The following CCDC60 variants were observed in gnomAD, a reference collection of about 807,000 sequenced individuals.
CCDC60 encodes coiled-coil domain-containing protein 60.
CCDC60 carries 54 observed loss-of-function variants against 63.5 expected under a neutral mutation model. The observed-to-expected ratio is 0.85, with a 90% CI of 0.68 to 1.07. The LOEUF (loss-of-function observed/expected upper bound fraction) is 1.07, where lower values mean the gene tolerates loss of function less well. Ranked by LOEUF, CCDC60 falls within the 50% of genes least tolerant of loss-of-function variation. The probability of loss-of-function intolerance (pLI) is 0.00; values close to 1 mark genes in which losing one functional copy is unlikely to be tolerated. For missense variants in CCDC60, 651 were observed against 684.3 expected (o/e 0.95, Z 0.54); for synonymous variants, 206 against 238.8 (o/e 0.86, Z 1.27).
chr12:119,360,366 C>T (rs868585832), intron 1 of CCDC60, among the ~76,000 whole-genome samples: 2,584 of 86,760 alleles, frequency 0.03, 62 homozygotes, highest in African/African-American at 0.11. Flanking sequence ...CCCTCCCGGA[C>T]GGGGCGGCTG....
At chr12:119,446,230 G>T (rs868187516) in intron 2 of CCDC60, among the ~76,000 whole-genome samples, 1 of 152,108 alleles carries the variant, frequency 6.6e-6, no homozygotes, top group Non-Finnish European at 1.5e-5. Context: ...GTTAAAACAG[G>T]AATCTGAATC....
intron 11 of CCDC60, among the ~76,000 whole-genome samples, chr12:119,525,059 T>G (rs1952648608): frequency 6.6e-6 from 1 of 152,196 alleles, no homozygotes; most frequent in South Asian, 2.1e-4. Context: ...TATTTATGTA[T>G]CATTTAATGC....
intron 13 of CCDC60, among the ~76,000 whole-genome samples, chr12:119,533,559 G>A (rs375783590): frequency 4.6e-5 from 7 of 152,184 alleles, no homozygotes; most frequent in East Asian, 3.9e-4. Flanking sequence ...TAGGTCTAAC[G>A]TTTAAGTCTT....
At chr12:119,482,347 A>G (rs1951347550) in intron 4 of CCDC60, among the ~76,000 whole-genome samples, 1 of 151,938 alleles carries the variant, frequency 6.6e-6, no homozygotes, top group African/African-American at 2.4e-5. Context: ...TATTATTATT[A>G]TTATCACAGT....
chr12:119,443,942 A>G (rs978882055), intron 2 of CCDC60, among the ~76,000 whole-genome samples: 3 of 152,210 alleles, frequency 2.0e-5, no homozygotes, highest in African/African-American at 7.2e-5. Flanking sequence ...CACACAGATG[A>G]CATAAGTGTT....
At position 119,472,174 on chromosome 12, in the gene CCDC60, T is replaced by C; in HGVS notation, c.341+10T>C. The C allele has an allele frequency of 1.2e-6, 2 of 1,612,930 alleles. No individual in the cohort carries two copies. Among genetic ancestry groups the C allele is most frequent in the Non-Finnish European group, 1.7e-6 (2 of 1,179,404 alleles). On this transcript the variant is annotated intron_variant, in intron 3 of 13. Transcript: ENST00000327554. Reference sequence around the variant, plus strand: ...GGGACACCTTATTGAGGTAAGTGGATGCAGTAGCTGTGGCACTGAAGGTTT... The same window carrying C: ...GGGACACCTTATTGAGGTAAGTGGACGCAGTAGCTGTGGCACTGAAGGTTT...
chr12:119,470,114 A>G (rs1004336943), intron 2 of CCDC60, among the ~76,000 whole-genome samples: 6 of 152,236 alleles, frequency 3.9e-5, no homozygotes, highest in Non-Finnish European at 5.9e-5. Context: ...AGAGGCCATC[A>G]TCAGACTCAC....
chr12:119,438,567 A>G (rs1950372917), intron 2 of CCDC60, among the ~76,000 whole-genome samples: 1 of 152,176 alleles, frequency 6.6e-6, no homozygotes, highest in African/African-American at 2.4e-5. Flanking sequence ...CAGTTACTTT[A>G]TCTATGTTAT....
At chr12:119,517,651 G>A (rs891811878) in intron 8 of CCDC60, among the ~76,000 whole-genome samples, 3 of 152,248 alleles carry the variant, frequency 2.0e-5, no homozygotes, top group Middle Eastern at 3.4e-3. Context: ...ATGTGCAAAC[G>A]TGGTCAAAAG....
At chr12:119,386,532 A>T (rs1207113036) in intron 1 of CCDC60, among the ~76,000 whole-genome samples, 1 of 149,130 alleles carries the variant, frequency 6.7e-6, no homozygotes, top group Non-Finnish European at 1.5e-5. Context: ...AGTAACAGTG[A>T]GCTGTTTAGT....
At chr12:119,414,971 A>AT (rs1338769010) in intron 1 of CCDC60, among the ~76,000 whole-genome samples, 3 of 152,194 alleles carry the variant, frequency 2.0e-5, no homozygotes, top group Non-Finnish European at 4.4e-5. Flanking sequence ...AGGGACAGTT[A>AT]TTTTTTAATA....
intron 2 of CCDC60, among the ~76,000 whole-genome samples, chr12:119,436,541 CTT>C (rs34712445): frequency 2.1e-5 from 3 of 143,972 alleles, no homozygotes; most frequent in Non-Finnish European, 3.0e-5. Flanking sequence ...GATGCCAATA[CTT>C]TTTTTTTTTT....
rs531929025 is a variant in CCDC60, at chr12:119,434,057, A to G, written c.170+5295A>G. 9.3e-4 allele frequency among the ~76,000 whole-genome samples: 142 copies of G among 152,322 alleles called. 1 individual carries two copies. Among genetic ancestry groups the G allele is most frequent in the Admixed American group, 2.0e-3 (30 of 15,304 alleles). The stretch of plus-strand genomic sequence containing the variant: ...CATCTCTGCAGTGAAAACAACTGCA[A>G]TGTTGAACATGAAGCCGTGATTGGC... On this transcript the variant is annotated intron_variant, in intron 2 of 13. Transcript: ENST00000327554.
chr12:119,482,209 C>A (rs1951345159), intron 4 of CCDC60, among the ~76,000 whole-genome samples: 1 of 150,984 alleles, frequency 6.6e-6, no homozygotes, highest in African/African-American at 2.4e-5. Context: ...TTTATCCACT[C>A]ATTGATTGAT....
chr12:119,442,290 G>C (rs1950462125), intron 2 of CCDC60, among the ~76,000 whole-genome samples: 2 of 152,150 alleles, frequency 1.3e-5, no homozygotes, highest in Non-Finnish European at 2.9e-5. Flanking sequence ...GTATAAAAAT[G>C]TTCAAATATC....
chr12:119,345,908 C>T (rs116017222), intron 1 of CCDC60, among the ~76,000 whole-genome samples: 22 of 152,046 alleles, frequency 1.4e-4, no homozygotes, highest in African/African-American at 5.3e-4. Context: ...ATCTCCACCT[C>T]CCGGGTTCAA....
intron 6 of CCDC60, 28 bp from the exon 7 acceptor site, chr12:119,505,041 A>G (rs764258560): frequency 6.6e-7 from 1 of 1,523,370 alleles, no homozygotes; most frequent in South Asian, 1.2e-5. Flanking sequence ...CTCCTTCCTG[A>G]AACCTCTCTT....
At chr12:119,530,237 A>G (rs1952800159) in intron 12 of CCDC60, among the ~76,000 whole-genome samples, 1 of 151,380 alleles carries the variant, frequency 6.6e-6, no homozygotes. Flanking sequence ...ATTTTCCACA[A>G]TGGGCACATA....
intron 1 of CCDC60, among the ~76,000 whole-genome samples, chr12:119,399,256 T>C (rs999962082): frequency 6.6e-6 from 1 of 152,176 alleles, no homozygotes; most frequent in Non-Finnish European, 1.5e-5. Context: ...ACCCTCTTAG[T>C]TCATGGGGTG....
Sources: gnomAD v4.1 joint callset for allele counts (sites outside exome capture counted in the v4.1 genomes callset) on GRCh38, gnomAD v4.1.1 for gene constraint, MANE v1.5 for transcripts, NCBI Gene and HGNC (gene_info 2026-07-23, HGNC 2026-07-21) for gene names.